The following PROM1 variants were observed in gnomAD, a reference collection of about 807,000 sequenced individuals.
The protein encoded by PROM1 is prominin 1, also known as prominin-1.
Under a neutral mutation model 116.9 loss-of-function variants are expected in PROM1, and 105 were observed. The observed-to-expected ratio is 0.90, with a 90% CI of 0.77 to 1.06. The LOEUF is 1.06. Among genes scored for constraint, PROM1 ranks in the 50% least tolerant of loss-of-function variants. PROM1 has a pLI of 0.00. For missense variants in PROM1, 1,122 were observed against 1,045.2 expected (o/e 1.07, Z -1.01); for synonymous variants, 393 against 387.0 (o/e 1.02, Z -0.18).
intron 2 of PROM1, among the ~76,000 whole-genome samples, chr4:16,070,771 G>A (rs1361501000): frequency 6.6e-6 from 1 of 152,172 alleles, no homozygotes; most frequent in Non-Finnish European, 1.5e-5. Context: ...GCTACTGTCA[G>A]GCTTGCCAAG....
intron 1 of PROM1, among the ~76,000 whole-genome samples, chr4:16,080,245 G>T (rs371957763): frequency 6.6e-6 from 1 of 151,500 alleles, no homozygotes; most frequent in African/African-American, 2.4e-5. Flanking sequence ...TATGGCCCGG[G>T]CGTGGTGGCT....
chr4:16,018,238 G>A (rs907563756), intron 9 of PROM1, 85 bp downstream of exon 9: 1 of 1,291,434 alleles, frequency 7.7e-7, no homozygotes, highest in South Asian at 1.3e-5. Context: ...AGGCCACCAT[G>A]CACTGGATAG....
At chr4:15,997,249 C>CAT (rs1168645706) in intron 15 of PROM1, among the ~76,000 whole-genome samples, 4 of 145,954 alleles carry the variant, frequency 2.7e-5, no homozygotes, top group Non-Finnish European at 3.0e-5. Flanking sequence ...GCATTTCGTT[C>CAT]ATATATATAT....
At chr4:16,015,689 C>CA (rs1459481139) in intron 10 of PROM1, among the ~76,000 whole-genome samples, 2 of 151,716 alleles carry the variant, frequency 1.3e-5, no homozygotes, top group Admixed American at 6.6e-5. Flanking sequence ...GATTCCACCT[C>CA]AAAAAACAAA....
chr4:16,019,774 A>G (rs1729345260), intron 8 of PROM1, among the ~76,000 whole-genome samples: 2 of 152,064 alleles, frequency 1.3e-5, no homozygotes, highest in Non-Finnish European at 2.9e-5. Flanking sequence ...TCAAGCTGCA[A>G]TTGGGTGTTT....
At chr4:16,082,979 C>T (rs1745321507) in intron 1 of PROM1, among the ~76,000 whole-genome samples, 1 of 151,820 alleles carries the variant, frequency 6.6e-6, no homozygotes, top group Non-Finnish European at 1.5e-5. Flanking sequence ...CGGGTCCCCG[C>T]GCATGCAAGC....
chr4:16,024,404 G>T, intron 6 of PROM1, 46 bp from the exon 7 acceptor site: 1 of 1,476,334 alleles, frequency 6.8e-7, no homozygotes, highest in Non-Finnish European at 9.3e-7. Flanking sequence ...AAGGTCCAAA[G>T]GCAATAAGAG....
chr4:15,979,909 A>G lies in PROM1; in HGVS notation c.2490-5T>C. 7.3e-7 allele frequency: 1 copy of G among 1,379,268 alleles called. No homozygotes were observed. Among genetic ancestry groups the G allele is most frequent in the Non-Finnish European group, 9.8e-7 (1 of 1,017,078 alleles). 85.4% of individuals were successfully genotyped at this position (1,379,268 alleles called of 1,614,324 possible). Reference sequence around the variant, plus strand: ...TTCATGGGTATAGTTTCAACACTATAAAATACAAAAAAGGGAGATAAAATT... The same window carrying G: ...TTCATGGGTATAGTTTCAACACTATGAAATACAAAAAAGGGAGATAAAATT... On this transcript the variant is annotated splice_region_variant and splice_polypyrimidine_tract_variant and intron_variant, in intron 24 of 27. Transcript: ENST00000447510.
intron 2 of PROM1, among the ~76,000 whole-genome samples, chr4:16,058,600 T>C (rs1343869439): frequency 3.4e-5 from 5 of 145,310 alleles, no homozygotes; most frequent in African/African-American, 7.8e-5. Context: ...CGAGCCAAGA[T>C]CACGCCACTG....
chr4:16,035,799 G>T, intron 3 of PROM1, 38 bp from the exon 4 acceptor site: 1 of 1,598,536 alleles, frequency 6.3e-7, no homozygotes, highest in Non-Finnish European at 8.6e-7. Context: ...TTTGGCAGAG[G>T]CAGCATGCAT....
At chr4:16,042,313 T>C (rs1329704136) in intron 2 of PROM1, among the ~76,000 whole-genome samples, 1 of 152,182 alleles carries the variant, frequency 6.6e-6, no homozygotes, top group Non-Finnish European at 1.5e-5. Context: ...GAATTTTTGA[T>C]ACTATAAAAT....
intron 2 of PROM1, among the ~76,000 whole-genome samples, chr4:16,058,226 C>T (rs191152825): frequency 6.6e-6 from 1 of 152,082 alleles, no homozygotes; most frequent in African/African-American, 2.4e-5. Context: ...AGGACAAAGC[C>T]CAGTGGACTT....
chr4:15,969,626 G>A (rs1480023048), intron 27 of PROM1, among the ~76,000 whole-genome samples: 4 of 151,846 alleles, frequency 2.6e-5, no homozygotes, highest in East Asian at 1.9e-4. Context: ...TCACTCTGTC[G>A]CCCAGGCTGG....
At chr4:15,991,097 A>T in intron 18 of PROM1, 125 bp downstream of exon 18, 1 of 719,882 alleles carries the variant, frequency 1.4e-6, no homozygotes, top group East Asian at 3.0e-5. Context: ...CACACACAAG[A>T]GAGGTGTTTA....
intron 5 of PROM1, among the ~76,000 whole-genome samples, chr4:16,028,204 A>G (rs1206605838): frequency 6.6e-6 from 1 of 152,224 alleles, no homozygotes; most frequent in Non-Finnish European, 1.5e-5. Context: ...AGTAGAAGTT[A>G]GTGATTTTCA....
intron 2 of PROM1, chr4:16,055,458 TG>T (rs1391733461): frequency 1.1e-5 from 5 of 455,882 alleles, no homozygotes; most frequent in Admixed American, 7.1e-5. Context: ...ATCTACAAAA[TG>T]GAAGTAGGGA....
chr4:16,006,945 T>G (rs1453911499), intron 12 of PROM1, among the ~76,000 whole-genome samples: 2 of 152,202 alleles, frequency 1.3e-5, no homozygotes, highest in African/African-American at 4.8e-5. Flanking sequence ...GATCATTGCC[T>G]CCTTCCTTTG....
chr4:16,037,272 C>A (rs148123676), intron 3 of PROM1, among the ~76,000 whole-genome samples: 144 of 152,272 alleles, frequency 9.5e-4, no homozygotes, highest in African/African-American at 3.3e-3. Flanking sequence ...CCCAGAGATA[C>A]AGGCCGACGT....
rs1727406277 is a variant in PROM1, at chr4:16,013,334, T to C, written c.1082A>G (p.Tyr361Cys). The C allele has an allele frequency of 6.2e-7, 1 of 1,600,102 alleles. No homozygotes were observed. The highest frequency in any genetic ancestry group is 8.6e-7 in the Non-Finnish European group (1 of 1,167,228). The part of the protein sequence containing the change: ...TDLDGLVQQG[Y>C]QSLNDIPDRV... ...GTCAGGTATATCATTAAGGGATTGA[T>C]AGCCCTGAAAAATATTTCAAAATAA... The change falls in exon 11 of 28, where the codon TAT (tyrosine) becomes TGT (cysteine). Residue 361 changes from tyrosine (Y) to cysteine (C), a missense_variant. Tyr to Cys is a radical substitution (Grantham distance 194, BLOSUM62 -2). Transcript: ENST00000447510.
Sources: allele counts gnomAD v4.1 joint callset (sites outside exome capture counted in the v4.1 genomes callset), GRCh38; gene constraint gnomAD v4.1.1; transcripts MANE v1.5; gene names NCBI Gene and HGNC (gene_info 2026-07-23, HGNC 2026-07-21).